PCDHGA9: variants seen among roughly 807,000 people sequenced by gnomAD.
The protein encoded by PCDHGA9 is protocadherin gamma-A9.
Under a neutral mutation model 62.5 loss-of-function variants are expected in PCDHGA9, and 37 were observed. The observed-to-expected ratio is 0.59, with a 90% CI of 0.46 to 0.78. The LOEUF (loss-of-function observed/expected upper bound fraction) is 0.78, where lower values mean the gene tolerates loss of function less well. Among genes scored for constraint, PCDHGA9 ranks in the 30% least tolerant of loss-of-function variants. PCDHGA9 has a pLI of 0.00. For synonymous variants in PCDHGA9, 459 were observed against 484.6 expected (o/e 0.95, Z 0.69); for missense variants, 1,138 against 1,166.2 (o/e 0.98, Z 0.35).
Position 141,403,333 on chromosome 5 carries a change from C to A in PCDHGA9, c.381C>A (p.Asn127Lys), listed in dbSNP as rs376895778. 6.2e-7 allele frequency: 1 copy of A among 1,613,984 alleles called. No homozygotes were observed. The highest frequency in any genetic ancestry group is 1.1e-5 in the South Asian group (1 of 91,088). The stretch of plus-strand genomic sequence containing the variant: ...TAGAAATAGAAGTAACTGATATTAA[C>A]GACAGCGCCCCAAAGTTCCAGGCCG... Reference protein sequence around the residue: ...YGIEIEVTDINDSAPKFQAES... With the variant: ...YGIEIEVTDIKDSAPKFQAES... Residue 127 changes from asparagine (N) to lysine (K), a missense_variant, in exon 1 of 4, where the codon AAC becomes AAA. Physicochemically the swap from Asn to Lys is moderately conservative, Grantham distance 94 (BLOSUM62 0). Coordinates refer to ENST00000573521, the MANE Select transcript of PCDHGA9 (RefSeq NM_018921.3).
chr5:141,436,089 T>C (rs1001252646), intron 1 of PCDHGA9, among the ~76,000 whole-genome samples: 1 of 152,204 alleles, frequency 6.6e-6, no homozygotes, highest in Non-Finnish European at 1.5e-5. Context: ...ATAGGTAATA[T>C]TGAGAGAAAT....
chr5:141,456,285 G>T (rs2098848223), intron 1 of PCDHGA9, among the ~76,000 whole-genome samples: 1 of 152,134 alleles, frequency 6.6e-6, no homozygotes, highest in Non-Finnish European at 1.5e-5. Flanking sequence ...GCTGAAAAGG[G>T]GCGTCTAATG....
At chr5:141,410,849 C>CTTTTTCT (rs2095432763) in intron 1 of PCDHGA9, 1 of 129,786 alleles carries the variant, frequency 7.7e-6, no homozygotes, top group Non-Finnish European at 1.3e-5. Flanking sequence ...TTGTCTTTGT[C>CTTTTTCT]TTTTTTTTTT....
intron 1 of PCDHGA9, chr5:141,413,327 A>G (rs200027912): frequency 6.2e-7 from 1 of 1,613,984 alleles, no homozygotes; most frequent in Non-Finnish European, 8.5e-7. Context: ...TTCGTGGGCA[A>G]CATCTCCAAG....
chr5:141,429,510 T>A (rs2097220128), intron 1 of PCDHGA9, among the ~76,000 whole-genome samples: 1 of 152,124 alleles, frequency 6.6e-6, no homozygotes, highest in African/African-American at 2.4e-5. Context: ...AAACTGTGCC[T>A]GGCAGAGAAA....
At chr5:141,492,506 C>T (rs2154587372) in intron 1 of PCDHGA9, among the ~76,000 whole-genome samples, 2 of 152,318 alleles carry the variant, frequency 1.3e-5, no homozygotes, top group South Asian at 4.1e-4. Context: ...ACTCCGGAGC[C>T]TCCTCTCACC....
rs368512862 is a variant in PCDHGA9 at position 141,491,734 on chromosome 5, G to T, written c.2425-3073G>T. ...CTCGGCGCCGCCCCGGGCGACCCCT[G>T]GGGGCGGCACTGGAGAAGCCGCCCG... On this transcript the variant is annotated intron_variant, in intron 1 of 3. Transcript: ENST00000573521. The surrounding 1 kb of genome is among the most constrained non-coding windows in gnomAD (Gnocchi z 6.9). 2.5e-4 allele frequency: 403 copies of T among 1,602,056 alleles called. No individual in the cohort carries two copies. Among genetic ancestry groups the T allele is most frequent in the Non-Finnish European group, 3.2e-4 (380 of 1,174,948 alleles).
chr5:141,489,594 T>A lies in PCDHGA9; in HGVS notation c.2425-5213T>A. The A allele has an allele frequency of 2.5e-6, 4 of 1,614,076 alleles. No homozygotes were observed. Among genetic ancestry groups the A allele is most frequent in the Non-Finnish European group, 3.4e-6 (4 of 1,179,982 alleles). ...CTGAACACCCCCTGGAGCTAATCCG[T>A]GTAGAGGTAGAGATCCTGGATCTCA... On this transcript the variant is annotated intron_variant, in intron 1 of 3. Coordinates refer to ENST00000573521, the MANE Select transcript of PCDHGA9 (RefSeq NM_018921.3). This position sits in a 1 kb window ranked among gnomAD's most constrained non-coding sequence, Gnocchi z 4.5.
At chr5:141,423,313 G>A (rs1407028245) in intron 1 of PCDHGA9, 3 of 1,614,184 alleles carry the variant, frequency 1.9e-6, no homozygotes, top group Non-Finnish European at 1.7e-6. Context: ...GTACTTGGTG[G>A]TGGCGGTGGC....
Position 141,491,968 on chromosome 5 carries a change from G to GC in PCDHGA9, c.2425-2837dup. On this transcript the variant is annotated intron_variant, in intron 1 of 3. Coordinates refer to ENST00000573521, the MANE Select transcript of PCDHGA9 (RefSeq NM_018921.3). The surrounding 1 kb of genome is among the most constrained non-coding windows in gnomAD (Gnocchi z 6.9). ...ACCCCTACACTCAAAAAAGGCCGGG[G>GC]CCTCCTTCGAGCTTCCGGTGAATTT... 1.1e-6 allele frequency: 1 copy of GC among 923,644 alleles called. No homozygotes were observed. Among genetic ancestry groups the GC allele is most frequent in the Admixed American group, 3.6e-5 (1 of 27,548 alleles). 57.2% of individuals were successfully genotyped at this position (923,644 alleles called of 1,614,324 possible).
intron 1 of PCDHGA9, among the ~76,000 whole-genome samples, chr5:141,444,203 C>A (rs2098425806): frequency 1.3e-5 from 1 of 79,180 alleles, no homozygotes; most frequent in Admixed American, 2.0e-4. Context: ...TGGAGTTTCA[C>A]TCTTGTTGCC....
chr5:141,420,179 T>C (rs1420076172), intron 1 of PCDHGA9: 16 of 1,614,054 alleles, frequency 9.9e-6, no homozygotes, highest in Non-Finnish European at 1.2e-5. Flanking sequence ...TGTTGATCAT[T>C]GTCCAGCCAC....
Position 141,403,429 on chromosome 5 carries a change from T to C in PCDHGA9, c.477T>C (p.Asp159=), listed in dbSNP as rs1282528901. ...GARYPLPEAI[D]PDVGVNSLQS... Reference sequence around the variant, plus strand: ...GTTATCCACTTCCAGAAGCTATTGATCCGGATGTTGGCGTGAACTCCCTCC... The same window carrying C: ...GTTATCCACTTCCAGAAGCTATTGACCCGGATGTTGGCGTGAACTCCCTCC... Residue 159 remains aspartate, a synonymous_variant, in exon 1 of 4, where the codon GAT becomes GAC. Coordinates refer to ENST00000573521, the MANE Select transcript of PCDHGA9 (RefSeq NM_018921.3). The C allele has an allele frequency of 1.2e-6, 2 of 1,614,006 alleles. No individual in the cohort carries two copies. Among genetic ancestry groups the C allele is most frequent in the Non-Finnish European group, 1.7e-6 (2 of 1,179,898 alleles).
chr5:141,433,592 T>C (rs1043652093), intron 1 of PCDHGA9, among the ~76,000 whole-genome samples: 5 of 152,020 alleles, frequency 3.3e-5, no homozygotes, highest in Non-Finnish European at 7.4e-5. Context: ...TCCCAGTACT[T>C]TGGGAGGCCG....
intron 1 of PCDHGA9, among the ~76,000 whole-genome samples, chr5:141,473,313 T>C (rs1173941642): frequency 2.7e-4 from 41 of 152,246 alleles, no homozygotes; most frequent in Non-Finnish European, 5.9e-5. Context: ...GCTATATTAA[T>C]AAGCATTAAG....
chr5:141,477,312 T>G lies in PCDHGA9; in HGVS notation c.2425-17495T>G. On this transcript the variant is annotated intron_variant, in intron 1 of 3. Coordinates refer to ENST00000573521, the MANE Select transcript of PCDHGA9 (RefSeq NM_018921.3). This position sits in a 1 kb window ranked among gnomAD's most constrained non-coding sequence, Gnocchi z 4.9. ...GTTCCACCGGGTCTCCCTTTCAGCC[T>G]TACTTCTTCCCTCAAGAATTACTTC... The G allele has an allele frequency of 1.2e-6, 2 of 1,614,162 alleles. No individual in the cohort carries two copies. The highest frequency in any genetic ancestry group is 1.7e-6 in the Non-Finnish European group (2 of 1,180,032).
intron 1 of PCDHGA9, chr5:141,441,637 C>T (rs1200679247): frequency 4.4e-6 from 1 of 228,574 alleles, no homozygotes; most frequent in South Asian, 4.8e-5. Context: ...GAGCCACAGG[C>T]GCTGTGATTC....
intron 1 of PCDHGA9, chr5:141,408,038 C>G (rs2095030679): frequency 8.6e-7 from 1 of 1,156,402 alleles, no homozygotes; most frequent in Admixed American, 3.0e-5. Flanking sequence ...AGAAAACCAG[C>G]TCCCACACAG....
At chr5:141,428,041 TG>T (rs1260865435) in intron 1 of PCDHGA9, 1 of 1,608,448 alleles carries the variant, frequency 6.2e-7, no homozygotes, top group African/African-American at 1.3e-5. Flanking sequence ...GGCTACCTGG[TG>T]ACCAAGGTGG....
Sources: allele counts gnomAD v4.1 joint callset (sites outside exome capture counted in the v4.1 genomes callset), GRCh38; gene constraint gnomAD v4.1.1; non-coding constraint Gnocchi (gnomAD v3.1); transcripts MANE v1.5; gene names NCBI Gene and HGNC (gene_info 2026-07-23, HGNC 2026-07-21).